The following CSF1R variants were observed in gnomAD, a reference collection of about 807,000 sequenced individuals.
CSF1R encodes macrophage colony-stimulating factor 1 receptor.
Under a neutral mutation model 110.0 loss-of-function variants are expected in CSF1R, and 40 were observed. That is an observed-to-expected ratio of 0.36 (90% CI 0.28 to 0.47). CSF1R has a LOEUF of 0.47. Ranked by LOEUF, CSF1R falls within the 20% of genes least tolerant of loss-of-function variation. The pLI is 0.99. For synonymous variants in CSF1R, 523 were observed against 503.4 expected (o/e 1.04, Z -0.52); for missense variants, 1,052 against 1,253.0 (o/e 0.84, Z 2.42).
chr5:150,070,498 G>T lies in CSF1R; in HGVS notation c.1156C>A (p.Pro386Thr). 1 of 1,558,444 alleles carries T rather than the reference G, an allele frequency of 6.4e-7. No individual in the cohort carries two copies. The highest frequency in any genetic ancestry group is 8.7e-7 in the Non-Finnish European group (1 of 1,151,178). ...AACGTCAGAGCTCTCCAGCCTCCTG[G>T]GTTTCTGGCCAGGAAGGAGTAGCGG... ...AGRYSFLARN[P>T]GGWRALTFEL... is the part of the protein sequence containing the mutation. Residue 386 changes from proline (P) to threonine (T), a missense_variant, in exon 7 of 21, where the codon CCA becomes ACA. Around this residue, in one of 5 missense-constraint regions of CSF1R, gnomAD observed 693 missense variants for 735.4 expected, o/e 0.94. Coordinates refer to ENST00000675795, the MANE Select transcript of CSF1R (RefSeq NM_001288705.3).
chr5:150,108,866 G>A (rs1461463417), intron 1 of CSF1R, among the ~76,000 whole-genome samples: 1 of 152,170 alleles, frequency 6.6e-6, no homozygotes, highest in African/African-American at 2.4e-5. Context: ...AAGAACATGT[G>A]GGTGAGGGAA....
chr5:150,053,395 T>G lies in CSF1R; in HGVS notation c.*674A>C, dbSNP rs1183231109. ...GGGAGTTTGTGCTTCCTGCTTGGTG[T>G]GGCCAGCCACATGCCAAGGTCCCCT... On this transcript the variant is annotated 3_prime_UTR_variant, in exon 21 of 21. Coordinates refer to ENST00000675795, the MANE Select transcript of CSF1R (RefSeq NM_001288705.3). 4.3e-6 allele frequency: 1 copy of G among 234,088 alleles called. No individual in the cohort carries two copies. The highest frequency in any genetic ancestry group is 8.4e-6 in the Non-Finnish European group (1 of 118,432). 14.5% of individuals were successfully genotyped at this position (234,088 alleles called of 1,614,324 possible). A position where few individuals can be genotyped will look rare whatever the true frequency, so the allele number is the denominator to read the frequency against.
At chr5:150,084,452 AAGG>A (rs1758737095) in intron 1 of CSF1R, among the ~76,000 whole-genome samples, 7 of 84,184 alleles carry the variant, frequency 8.3e-5, no homozygotes, top group African/African-American at 3.2e-4. Context: ...GGAAGGAAGG[AAGG>A]AAGAAAGAAA....
Position 150,078,224 on chromosome 5 carries a change from G to A in CSF1R, c.617C>T (p.Thr206Ile). 1.9e-6 allele frequency: 3 copies of A among 1,614,098 alleles called. No homozygotes were observed. Among genetic ancestry groups the A allele is most frequent in the Non-Finnish European group, 2.5e-6 (3 of 1,179,990 alleles). The change falls in exon 4 of 21, where the codon ACA becomes ATA. Residue 206 changes from threonine to isoleucine, a missense_variant. By Grantham distance (89) the Thr-to-Ile change is moderately conservative. Coordinates refer to ENST00000675795, the MANE Select transcript of CSF1R (RefSeq NM_001288705.3). The stretch of plus-strand genomic sequence containing the variant: ...CCGCACCAGCTCTGCAGGCACCAGT[G>A]TCAAGGCTGGGGGCCCTGGGATGAC... ...QKVIPGPPAL[T>I]LVPAELVRIR...
At position 150,054,199 on chromosome 5, in the gene CSF1R, C is replaced by G. The variant is rs2113773046; in HGVS notation, c.2789G>C (p.Ser930Thr). The change falls in exon 21 of 21, where the codon AGC becomes ACC. Residue 930 changes from serine to threonine, a missense_variant. Coordinates refer to ENST00000675795, the MANE Select transcript of CSF1R (RefSeq NM_001288705.3). Reference sequence around the variant, plus strand: ...GCTGCTGCCGCTGCCACCGCTTCTGCTGCTGCTCGGCAGATTGGTATAGTC... The same window carrying G: ...GCTGCTGCCGCTGCCACCGCTTCTGGTGCTGCTCGGCAGATTGGTATAGTC... The part of the protein sequence containing the change: ...ERDYTNLPSS[S>T]RSGGSGSSSS... 6.2e-7 allele frequency: 1 copy of G among 1,611,684 alleles called. No homozygotes were observed. The highest frequency in any genetic ancestry group is 1.3e-5 in the African/African-American group (1 of 74,966).
intron 1 of CSF1R, among the ~76,000 whole-genome samples, chr5:150,104,894 T>G (rs1032236048): frequency 6.6e-6 from 1 of 151,788 alleles, no homozygotes; most frequent in African/African-American, 2.4e-5. Flanking sequence ...TCTTTTTTTT[T>G]TTGAGATGGA....
intron 5 of CSF1R, among the ~76,000 whole-genome samples, chr5:150,076,727 T>C (rs1416877050): frequency 6.6e-6 from 1 of 152,198 alleles, no homozygotes; most frequent in African/African-American, 2.4e-5. Context: ...TTCCAAATGA[T>C]CTATGTTCTC....
chr5:150,104,489 A>G (rs1170552602), intron 1 of CSF1R, among the ~76,000 whole-genome samples: 1 of 152,262 alleles, frequency 6.6e-6, no homozygotes, highest in African/African-American at 2.4e-5. Flanking sequence ...TTTGGGCTCA[A>G]CCGCATCCCA....
intron 2 of CSF1R, 79 bp from the exon 3 acceptor site, chr5:150,080,415 A>C: frequency 6.6e-7 from 1 of 1,524,082 alleles, no homozygotes; most frequent in South Asian, 1.2e-5. Flanking sequence ...GGTGACAAGG[A>C]AGCTCAGAGA....
At position 150,054,138 on chromosome 5, in the gene CSF1R, G is replaced by C; in HGVS notation, c.2850C>G (p.His950Gln). Reference protein sequence around the residue: ...SELEEESSSEHLTCCEQGDIA... With the variant: ...SELEEESSSEQLTCCEQGDIA... Reference sequence around the variant, plus strand: ...TATCCCCTTGCTCGCAGCAGGTCAGGTGCTCACTAGAGCTCTCCTCCTCCA... The same window carrying C: ...TATCCCCTTGCTCGCAGCAGGTCAGCTGCTCACTAGAGCTCTCCTCCTCCA... Residue 950 changes from histidine (H) to glutamine (Q), a missense_variant, in exon 21 of 21, where the codon CAC becomes CAG. His to Gln is a conservative substitution (Grantham distance 24). Coordinates refer to ENST00000675795, the MANE Select transcript of CSF1R (RefSeq NM_001288705.3). 6.2e-7 allele frequency: 1 copy of C among 1,613,904 alleles called. No homozygotes were observed. Among genetic ancestry groups the C allele is most frequent in the Non-Finnish European group, 8.5e-7 (1 of 1,179,920 alleles).
chr5:150,095,349 G>A (rs1223380649), intron 1 of CSF1R, among the ~76,000 whole-genome samples: 1 of 152,018 alleles, frequency 6.6e-6, no homozygotes, highest in Non-Finnish European at 1.5e-5. Context: ...AGGGCATATA[G>A]AACATTCACC....
At chr5:150,087,807 C>T (rs1336484101), upstream of CSF1R, among the ~76,000 whole-genome samples, 1 of 146,500 alleles carries the variant, frequency 6.8e-6, no homozygotes, top group African/African-American at 2.5e-5. Flanking sequence ...GATCTCGGCT[C>T]ACTGCAACCT....
intron 6 of CSF1R, among the ~76,000 whole-genome samples, chr5:150,072,715 G>A (rs1287090706): frequency 1.3e-5 from 2 of 152,148 alleles, no homozygotes; most frequent in East Asian, 3.9e-4. Context: ...TGGGAGTGGA[G>A]AGACGGAAGA....
chr5:150,062,775 C>G (rs1757589417), intron 10 of CSF1R, among the ~76,000 whole-genome samples: 1 of 152,122 alleles, frequency 6.6e-6, no homozygotes, highest in South Asian at 2.1e-4. Flanking sequence ...AGGAGATTCT[C>G]AAGTGGTGCT....
intron 5 of CSF1R, among the ~76,000 whole-genome samples, chr5:150,074,304 A>AGTTT (rs1758159113): frequency 8.7e-6 from 1 of 114,704 alleles, no homozygotes; most frequent in Non-Finnish European, 1.7e-5. Context: ...AGTCCTGACT[A>AGTTT]GTTTTTTTTT....
chr5:150,059,598 G>T, intron 14 of CSF1R, 102 bp downstream of exon 14: 2 of 1,420,098 alleles, frequency 1.4e-6, no homozygotes, highest in Non-Finnish European at 1.9e-6. Context: ...GGGCTGCATA[G>T]CCACCCATTC....
At chr5:150,103,025 A>G (rs1306693397) in intron 1 of CSF1R, among the ~76,000 whole-genome samples, 1 of 152,216 alleles carries the variant, frequency 6.6e-6, no homozygotes, top group Non-Finnish European at 1.5e-5. Flanking sequence ...TTTCTCATAC[A>G]GGCCTGGGTC....
At chr5:150,055,564 G>A (rs1757170288) in intron 18 of CSF1R, among the ~76,000 whole-genome samples, 1 of 152,218 alleles carries the variant, frequency 6.6e-6, no homozygotes, top group Non-Finnish European at 1.5e-5. Flanking sequence ...TCTTGCACAG[G>A]CTTTGGAATC....
chr5:150,090,174 T>C (rs1758994508), upstream of CSF1R, among the ~76,000 whole-genome samples: 1 of 152,134 alleles, frequency 6.6e-6, no homozygotes, highest in Non-Finnish European at 1.5e-5. Flanking sequence ...AAATTGGACA[T>C]AATAAAAATT....
Sources: gnomAD v4.1 joint callset for allele counts (sites outside exome capture counted in the v4.1 genomes callset) on GRCh38, gnomAD v4.1.1 for gene constraint, gnomAD v4.1.1 regional missense constraint, MANE v1.5 for transcripts, NCBI Gene and HGNC (gene_info 2026-07-23, HGNC 2026-07-21) for gene names.